The following CHD8 variants were observed in gnomAD, a reference collection of about 807,000 sequenced individuals.
The protein encoded by CHD8 is chromodomain helicase DNA binding protein 8, also known as ATP-dependent chromatin remodeler CHD8.
Under a neutral mutation model 279.2 loss-of-function variants are expected in CHD8, and 31 were observed. That is an observed-to-expected ratio of 0.11 (90% confidence interval 0.08 to 0.15). CHD8 has a LOEUF of 0.15. Among genes scored for constraint, CHD8 ranks in the 10% least tolerant of loss-of-function variants. The pLI is 1.00. For missense variants in CHD8, 2,146 were observed against 3,230.5 expected, an observed-to-expected ratio of 0.66 and a Z score of 8.14; for synonymous variants, 1,081 against 1,139.6, an observed-to-expected ratio of 0.95 and a Z score of 1.04.
intron 4 of CHD8, 120 bp from the exon 5 acceptor site, chr14:21,426,362 G>A: frequency 1.6e-6 from 1 of 614,780 alleles, no homozygotes; most frequent in Non-Finnish European, 2.9e-6. Context: ...TAGATCTTCA[G>A]TCAATAGGAC....
chr14:21,449,745 C>A (rs1890213481), intron 1 of CHD8, among the ~76,000 whole-genome samples: 2 of 152,198 alleles, frequency 1.3e-5, no homozygotes. Context: ...CTTCACAATA[C>A]CTGCTTGTGG....
At chr14:21,436,310 A>T (rs1889778678) in intron 1 of CHD8, among the ~76,000 whole-genome samples, 1 of 152,284 alleles carries the variant, frequency 6.6e-6, no homozygotes, top group Non-Finnish European at 1.5e-5. Flanking sequence ...AGCTTAATTT[A>T]AATGAGAAAT....
At position 21,426,163 on chromosome 14, in the gene CHD8, G is replaced by C; in HGVS notation, c.1681C>G (p.Gln561Glu). Reference sequence around the variant, plus strand: ...CTTTCTTCATCTTCTCGAGGTGACTGTGCAGGCATGACTTCCACATCTGAA... The same window carrying C: ...CTTTCTTCATCTTCTCGAGGTGACTCTGCAGGCATGACTTCCACATCTGAA... ...DNSDVEVMPA[Q>E]SPREDEESSI... The change falls in exon 5 of 38, where the codon CAG becomes GAG. Residue 561 changes from glutamine to glutamate, a missense_variant. By Grantham distance (29) the Gln-to-Glu change is conservative. This residue lies in a region of CHD8 where 123 missense variants were observed against 169.2 expected (regional missense o/e 0.73). Transcript: ENST00000646647. 1 of 1,611,176 alleles carries C rather than the reference G, an allele frequency of 6.2e-7. No homozygotes were observed. Among genetic ancestry groups the C allele is most frequent in the Non-Finnish European group, 8.5e-7 (1 of 1,177,596 alleles).
At chr14:21,413,269 G>C (rs541645211) in intron 9 of CHD8, among the ~76,000 whole-genome samples, 1 of 152,108 alleles carries the variant, frequency 6.6e-6, no homozygotes, top group South Asian at 2.1e-4. Context: ...TGTATTCTTA[G>C]GAATCCCTCT....
intron 10 of CHD8, 32 bp from the exon 11 acceptor site, chr14:21,410,020 C>G (rs755374407): frequency 1.3e-6 from 2 of 1,584,080 alleles, no homozygotes; most frequent in Admixed American, 1.8e-5. Flanking sequence ...CCTTAAGAAA[C>G]TGATTCTGTG....
Position 21,399,989 on chromosome 14 carries a change from C to T in CHD8, c.4809G>A (p.Ala1603=), listed in dbSNP as rs61736703. The stretch of plus-strand genomic sequence containing the variant: ...ATATAGCAGAATTTTACCTGGCAAT[C>T]GCACCCCCTAACACCTTTTCTGCTT... ...GDQAEKVLGG[A]IASEIDIWFP... The change falls in exon 25 of 38, where the codon GCG becomes GCA. Residue 1603 remains alanine, a synonymous_variant. Transcript: ENST00000646647. 6.5e-4 allele frequency: 1,051 copies of T among 1,612,656 alleles called. 11 individuals carry two copies. The African/African-American group carries it at 0.013, about 20-fold the overall frequency.
rs371541713 is a variant in CHD8 at position 21,408,387 on chromosome 14, G to A, written c.2655C>T (p.Asn885=). 5.8e-5 allele frequency: 94 copies of A among 1,613,892 alleles called. No homozygotes were observed. The highest frequency in any genetic ancestry group is 3.3e-4 in the Middle Eastern group (2 of 6,062). Residue 885 remains asparagine (N), a synonymous_variant, in exon 13 of 38, where the codon AAC becomes AAT. Coordinates refer to ENST00000646647, the MANE Select transcript of CHD8 (RefSeq NM_001170629.2). The surrounding 1 kb of genome is among the most constrained non-coding windows in gnomAD (Gnocchi z 4.3). The part of the protein sequence containing the change: ...EREFNTWTEM[N]TIVYHGSLAS... ...CCAGACTGCCATGGTACACAATAGT[G>A]TTCATTTCTGTCCATGTATTAAATT...
chr14:21,386,288 A>G, intron 37 of CHD8, 112 bp from the exon 38 acceptor site: 1 of 1,040,080 alleles, frequency 9.6e-7, no homozygotes, highest in Non-Finnish European at 1.4e-6. Context: ...GTACCTTAGA[A>G]GAGGCAAAAC....
intron 1 of CHD8, among the ~76,000 whole-genome samples, chr14:21,445,134 A>ATCTACT (rs1352976313): frequency 6.6e-6 from 1 of 152,098 alleles, no homozygotes; most frequent in Non-Finnish European, 1.5e-5. Context: ...CCTCAAATCC[A>ATCTACT]TCTACTTCTG....
At position 21,427,997 on chromosome 14, in the gene CHD8, G is replaced by T; in HGVS notation, c.1473C>A (p.Ser491Arg). 1 of 1,614,024 alleles carries T rather than the reference G, an allele frequency of 6.2e-7. No individual in the cohort carries two copies. Among genetic ancestry groups the T allele is most frequent in the South Asian group, 1.1e-5 (1 of 91,084 alleles). ...TCTCGCCTTCCTCCTCTGGCCGAAC[G>T]CTGGGCAACTCGTCCTCATTTAAGA... ...PRVLNEDELP[S>R]VRPEEEGEKK... The change falls in exon 4 of 38, where the codon AGC becomes AGA. Residue 491 changes from serine to arginine, a missense_variant. By Grantham distance (110) the Ser-to-Arg change is moderately radical. Around this residue, in one of 26 missense-constraint regions of CHD8, gnomAD observed 123 missense variants for 169.2 expected, o/e 0.73. Coordinates refer to ENST00000646647, the MANE Select transcript of CHD8 (RefSeq NM_001170629.2).
chr14:21,427,383 TG>T, intron 4 of CHD8: 1 of 443,228 alleles, frequency 2.3e-6, no homozygotes, highest in South Asian at 7.4e-5. Flanking sequence ...AGCTTACTCT[TG>T]CACGTCCCAT....
intron 1 of CHD8, among the ~76,000 whole-genome samples, chr14:21,453,702 G>A (rs975224622): frequency 3.3e-5 from 5 of 151,882 alleles, no homozygotes; most frequent in Admixed American, 2.6e-4. Context: ...TAGGCTCAAT[G>A]TAAGCTCAGA....
At chr14:21,437,304 T>G (rs765439141) in intron 1 of CHD8, 4 of 1,130,356 alleles carry the variant, frequency 3.5e-6, no homozygotes, top group African/African-American at 1.6e-5. Context: ...GCGCCATCAT[T>G]GGCTGAAGCG....
At chr14:21,395,524 G>T in intron 28 of CHD8, 172 bp from the exon 29 acceptor site, 1 of 608,176 alleles carries the variant, frequency 1.6e-6, no homozygotes. Context: ...AAAAGAACAA[G>T]AAAGTAGAAC....
intron 14 of CHD8, among the ~76,000 whole-genome samples, chr14:21,406,090 CAT>C (rs1299833524): frequency 1.3e-5 from 2 of 152,176 alleles, no homozygotes; most frequent in Non-Finnish European, 2.9e-5. Flanking sequence ...ATTGAAATAA[CAT>C]AAATATTATA....
chr14:21,418,591 A>G (rs540043055), intron 5 of CHD8, among the ~76,000 whole-genome samples: 220 of 152,300 alleles, frequency 1.4e-3, no homozygotes, highest in African/African-American at 4.3e-3. Flanking sequence ...CAAGGTGGGC[A>G]TATCATGAGG....
rs963782503 is a variant in CHD8, at chr14:21,417,265, T to A, written c.1717-1358A>T. ...CACCCTTTGAACCTATCAATTCCAC[T>A]TCAAAGATACTATCCTATAAATTTG... On this transcript the variant is annotated intron_variant, in intron 5 of 37. Transcript: ENST00000646647. 6.6e-5 allele frequency among the ~76,000 whole-genome samples: 10 copies of A among 152,166 alleles called. 1 individual carries two copies. Among genetic ancestry groups the A allele is most frequent in the African/African-American group, 2.4e-4 (10 of 41,438 alleles).
intron 5 of CHD8, among the ~76,000 whole-genome samples, chr14:21,423,932 T>C (rs1421008900): frequency 6.6e-6 from 1 of 152,008 alleles, no homozygotes; most frequent in African/African-American, 2.4e-5. Flanking sequence ...AATGGTAGAG[T>C]CAAGAAAAGA....
At chr14:21,399,069 C>T in intron 26 of CHD8, 2 of 369,088 alleles carry the variant, frequency 5.4e-6, no homozygotes, top group Non-Finnish European at 1.1e-5. Context: ...TGTGAACAAA[C>T]AGTTGGAGGA....
Sources: gnomAD v4.1 joint callset for allele counts (sites outside exome capture counted in the v4.1 genomes callset) on GRCh38, gnomAD v4.1.1 for gene constraint, gnomAD v4.1.1 regional missense constraint, Gnocchi (gnomAD v3.1) non-coding constraint, MANE v1.5 for transcripts, NCBI Gene and HGNC (gene_info 2026-07-23, HGNC 2026-07-21) for gene names.